ILDR2: variants seen among roughly 807,000 people sequenced by gnomAD.
The protein encoded by ILDR2 is immunoglobulin like domain containing receptor 2, also known as immunoglobulin-like domain-containing receptor 2.
A neutral mutation model predicts 66.8 loss-of-function variants in ILDR2; 25 were observed. The observed-to-expected ratio is 0.37, with a 90% CI of 0.27 to 0.52. ILDR2 has a LOEUF of 0.52. ILDR2 is among the 20% of genes least tolerant of loss of function. The pLI is 0.88. For synonymous variants in ILDR2, 367 were observed against 357.2 expected, an observed-to-expected ratio of 1.03 and a Z score of -0.31; for missense variants, 827 against 876.8, an observed-to-expected ratio of 0.94 and a Z score of 0.72.
At chr1:166,956,600 G>C (rs1249792811) in intron 3 of ILDR2, 133 bp downstream of exon 3, 3 of 884,964 alleles carry the variant, frequency 3.4e-6, no homozygotes, top group Non-Finnish European at 5.1e-6. Flanking sequence ...TATTCTAAAA[G>C]GGAGTGTGCA....
chr1:166,972,649 A>G (rs578169423), intron 1 of ILDR2, among the ~76,000 whole-genome samples: 1 of 152,338 alleles, frequency 6.6e-6, no homozygotes, highest in African/African-American at 2.4e-5. Flanking sequence ...CCTGGAGGAA[A>G]AAACTGAAGT....
At chr1:166,971,361 C>G (rs1361514262) in intron 1 of ILDR2, among the ~76,000 whole-genome samples, 1 of 152,212 alleles carries the variant, frequency 6.6e-6, no homozygotes, top group Non-Finnish European at 1.5e-5. Flanking sequence ...TGCACCAGTC[C>G]TGGTTTGGGT....
intron 3 of ILDR2, among the ~76,000 whole-genome samples, chr1:166,956,145 T>C (rs1306449150): frequency 6.6e-6 from 1 of 152,238 alleles, no homozygotes; most frequent in Non-Finnish European, 1.5e-5. Flanking sequence ...ATTAGATGTA[T>C]TTGCTTTGAG....
intron 3 of ILDR2, among the ~76,000 whole-genome samples, chr1:166,946,760 T>C (rs1238263852): frequency 1.3e-5 from 2 of 152,230 alleles, no homozygotes; most frequent in African/African-American, 4.8e-5. Context: ...CCCAAAACTT[T>C]GCTTATCTTT....
chr1:166,974,110 G>A (rs1278851547), intron 1 of ILDR2, among the ~76,000 whole-genome samples: 1 of 152,124 alleles, frequency 6.6e-6, no homozygotes, highest in East Asian at 1.9e-4. Flanking sequence ...TCTTCTGGCT[G>A]GTGATGCTAG....
intron 1 of ILDR2, among the ~76,000 whole-genome samples, chr1:166,969,214 G>C (rs546959769): frequency 5.1e-4 from 77 of 152,258 alleles, no homozygotes; most frequent in African/African-American, 1.8e-3. Flanking sequence ...TCCTGGTGAG[G>C]CAAGGGCATG....
downstream of ILDR2, among the ~76,000 whole-genome samples, chr1:166,904,556 T>A (rs546325802): frequency 4.1e-4 from 62 of 152,358 alleles, 1 homozygote; most frequent in South Asian, 0.013. Flanking sequence ...TCAGGAGATC[T>A]GGATGCTAGC....
At chr1:166,948,007 A>G (rs1226893470) in intron 3 of ILDR2, among the ~76,000 whole-genome samples, 1 of 151,898 alleles carries the variant, frequency 6.6e-6, no homozygotes, top group African/African-American at 2.4e-5. Context: ...TCTTAGGGCA[A>G]TTTTTTCAGA....
intron 1 of ILDR2, among the ~76,000 whole-genome samples, chr1:166,972,981 C>T (rs1663396242): frequency 6.6e-6 from 1 of 152,160 alleles, no homozygotes; most frequent in African/African-American, 2.4e-5. Flanking sequence ...CCCTCCCCTC[C>T]CCAGCCGCCA....
rs1659428195 is a variant in ILDR2, at chr1:166,909,761, A to G, written c.*9594T>C. 1 of 65,958 alleles carries G rather than the reference A, an allele frequency of 1.5e-5. No individual in the cohort carries two copies. Among genetic ancestry groups the G allele is most frequent in the South Asian group, 6.1e-4 (1 of 1,630 alleles). The allele number at this position is 65,958 out of a possible 1,614,324, so 4.1% of individuals were successfully genotyped here. On this transcript the variant is annotated 3_prime_UTR_variant, in exon 10 of 10. Transcript: ENST00000271417. ...CATATATATATATATATATATATAA[A>G]TATATATAAATATATATATTTATAT...
In ILDR2 at chr1:166,923,399, T is replaced by A. The variant is rs893569335; in HGVS notation, c.995-590A>T. Among the ~76,000 whole-genome samples the A allele has an allele frequency of 1.4e-4, 21 of 152,208 alleles. 1 individual carries two copies. The highest frequency in any genetic ancestry group is 1.2e-3 in the Admixed American group (19 of 15,286). Reference sequence around the variant, plus strand: ...ATAGTTGAATAGTCAAGGGGAAACCTGTACCTAGTATCCATATACCCCCTG... The same window carrying A: ...ATAGTTGAATAGTCAAGGGGAAACCAGTACCTAGTATCCATATACCCCCTG... On this transcript the variant is annotated intron_variant, in intron 7 of 9. Coordinates refer to ENST00000271417, the MANE Select transcript of ILDR2 (RefSeq NM_199351.3).
intron 2 of ILDR2, among the ~76,000 whole-genome samples, chr1:166,900,046 AC>A (rs1251683942): frequency 6.6e-6 from 1 of 152,166 alleles, no homozygotes; most frequent in Non-Finnish European, 1.5e-5. Flanking sequence ...TCAACAAGAC[AC>A]CCAGGTCATT....
chr1:166,973,612 T>TCCCCCCCCCCCCCCC (rs59745587), intron 1 of ILDR2, among the ~76,000 whole-genome samples: 1 of 64,958 alleles, frequency 1.5e-5, no homozygotes, highest in African/African-American at 6.2e-5. Flanking sequence ...CAGGGACCCC[T>TCCCCCCCCCCCCCCC]CCCCCCCCCC....
chr1:166,939,574 G>A lies in ILDR2; in HGVS notation c.500-4C>T, dbSNP rs41269698. ...TCAGCAAGCAGCCCTGTCCTGCCTA[G>A]AAGAAGTGGAAGGAAAAGAAGAAGG... On this transcript the variant is annotated splice_region_variant and splice_polypyrimidine_tract_variant and intron_variant, in intron 3 of 9. Coordinates refer to ENST00000271417, the MANE Select transcript of ILDR2 (RefSeq NM_199351.3). 0.018 allele frequency: 28,741 copies of A among 1,613,054 alleles called. 344 individuals carry two copies. Among genetic ancestry groups the A allele is most frequent in the Non-Finnish European group, 0.02 (23,945 of 1,179,022 alleles).
At chr1:166,969,901 C>A (rs1663180070) in intron 1 of ILDR2, among the ~76,000 whole-genome samples, 1 of 152,200 alleles carries the variant, frequency 6.6e-6, no homozygotes, top group Admixed American at 6.5e-5. Context: ...TTCCTCTGAG[C>A]CTTGGTCTTC....
chr1:166,973,540 C>A (rs1663423877), intron 1 of ILDR2, among the ~76,000 whole-genome samples: 1 of 151,036 alleles, frequency 6.6e-6, no homozygotes, highest in African/African-American at 2.4e-5. Flanking sequence ...TCACTCCCTG[C>A]AAACCCCCAG....
At chr1:166,962,911 G>C (rs1051759031) in intron 1 of ILDR2, among the ~76,000 whole-genome samples, 2 of 152,094 alleles carry the variant, frequency 1.3e-5, no homozygotes, top group African/African-American at 4.8e-5. Context: ...TTACTCCCAA[G>C]GCTCCAACTA....
At position 166,910,178 on chromosome 1, in the gene ILDR2, G is replaced by C. The variant is rs1659445253; in HGVS notation, c.*9177C>G. 1 of 151,962 alleles carries C rather than the reference G, an allele frequency of 6.6e-6. No homozygotes were observed. 9.4% of individuals were successfully genotyped at this position (151,962 alleles called of 1,614,324 possible). On this transcript the variant is annotated 3_prime_UTR_variant, in exon 10 of 10. Coordinates refer to ENST00000271417, the MANE Select transcript of ILDR2 (RefSeq NM_199351.3). ...GAATCAGAGTCCTGACCTGACTTCA[G>C]AAAACAATTGTAATTCCATGGTGTT...
intron 3 of ILDR2, among the ~76,000 whole-genome samples, chr1:166,954,768 T>A (rs1662175461): frequency 6.6e-6 from 1 of 152,188 alleles, no homozygotes; most frequent in Non-Finnish European, 1.5e-5. Context: ...TTTTTTTCCT[T>A]GAGAATAGCA....
Sources: gnomAD v4.1 joint callset for allele counts (sites outside exome capture counted in the v4.1 genomes callset) on GRCh38, gnomAD v4.1.1 for gene constraint, MANE v1.5 for transcripts, NCBI Gene and HGNC (gene_info 2026-07-23, HGNC 2026-07-21) for gene names.